The following ATOSA variants were observed in gnomAD, a reference collection of about 807,000 sequenced individuals.
ATOSA encodes atos homolog A, also known as atos homolog protein A.
the ATOSA span, among the ~76,000 whole-genome samples, chr15:52,696,334 A>G: frequency 6.6e-6 from 1 of 152,084 alleles, no homozygotes; most frequent in Non-Finnish European, 1.5e-5. Context: ...TCCAAATACC[A>G]GCCACTGCCC....
chr15:52,622,904 C>T, the ATOSA span, among the ~76,000 whole-genome samples: 1 of 151,854 alleles, frequency 6.6e-6, no homozygotes, highest in Non-Finnish European at 1.5e-5. Context: ...GGGTGGATTG[C>T]TTAAGCCCAG....
At chr15:52,700,405 C>T in the ATOSA span, among the ~76,000 whole-genome samples, 8 of 152,084 alleles carry the variant, frequency 5.3e-5, no homozygotes, top group African/African-American at 1.9e-4. Flanking sequence ...GTCTCTGCCC[C>T]CTCTCCTCCC....
At chr15:52,677,991 A>G in the ATOSA span, 4 of 1,614,020 alleles carry the variant, frequency 2.5e-6, no homozygotes, top group Non-Finnish European at 3.4e-6. Context: ...AGCCCTACTT[A>G]AACAAATCAT....
chr15:52,703,087 G>C, the ATOSA span, among the ~76,000 whole-genome samples: 1 of 152,244 alleles, frequency 6.6e-6, no homozygotes, highest in African/African-American at 2.4e-5. Flanking sequence ...AAAACAAACA[G>C]GGTCTGATAC....
At chr15:52,609,484 G>C in the ATOSA span, 7 of 1,613,732 alleles carry the variant, frequency 4.3e-6, no homozygotes, top group South Asian at 4.4e-5. Context: ...CTGGAGTAAA[G>C]AGCCTATCAA....
At chr15:52,636,736 T>C in the ATOSA span, among the ~76,000 whole-genome samples, 1,830 of 152,294 alleles carry the variant, frequency 0.012, 35 homozygotes, top group Non-Finnish European at 0.013. Flanking sequence ...AACCAGGAAT[T>C]TGAGTCCATC....
At chr15:52,586,764 A>G in the ATOSA span, 2 of 161,784 alleles carry the variant, frequency 1.2e-5, no homozygotes, top group African/African-American at 4.8e-5. Flanking sequence ...TTAGAAATAA[A>G]ATAATTTTGT....
At chr15:52,685,964 C>T in the ATOSA span, among the ~76,000 whole-genome samples, 2 of 152,006 alleles carry the variant, frequency 1.3e-5, no homozygotes, top group Non-Finnish European at 2.9e-5. Context: ...TGGACTCACT[C>T]AAGTGATCTT....
At chr15:52,622,365 G>T in the ATOSA span, among the ~76,000 whole-genome samples, 17 of 152,144 alleles carry the variant, frequency 1.1e-4, no homozygotes, top group Non-Finnish European at 2.2e-4. Context: ...AGGCATCTGA[G>T]AATGGATATT....
At chr15:52,640,811 G>A in the ATOSA span, among the ~76,000 whole-genome samples, 1 of 151,492 alleles carries the variant, frequency 6.6e-6, no homozygotes, top group Admixed American at 6.6e-5. Flanking sequence ...TACTTATGGG[G>A]TAACAGTGTG....
chr15:52,581,973 G>A, the ATOSA span: 53 of 503,384 alleles, frequency 1.1e-4, no homozygotes, highest in Non-Finnish European at 1.6e-4. Flanking sequence ...ATTAGGACAT[G>A]AGTTTTTCCA....
chr15:52,645,395 C>T, the ATOSA span, among the ~76,000 whole-genome samples: 2 of 152,088 alleles, frequency 1.3e-5, no homozygotes, highest in Admixed American at 6.5e-5. Flanking sequence ...GCCAAGATCA[C>T]GCTATGCCAC....
At chr15:52,605,004 A>C in the ATOSA span, 3 of 651,512 alleles carry the variant, frequency 4.6e-6, no homozygotes, top group Non-Finnish European at 7.6e-6. Context: ...TTATCAAAAA[A>C]TAAAATGTTT....
chr15:52,662,405 T>C, the ATOSA span, among the ~76,000 whole-genome samples: 901 of 152,316 alleles, frequency 5.9e-3, 5 homozygotes, highest in African/African-American at 0.021. Flanking sequence ...TTTTCTTCCA[T>C]TTGTTTTAAC....
the ATOSA span, among the ~76,000 whole-genome samples, chr15:52,697,919 A>C: frequency 6.8e-6 from 1 of 146,654 alleles, no homozygotes; most frequent in African/African-American, 2.5e-5. Context: ...GCTCCAATTT[A>C]AAAGACTGAC....
chr15:52,667,294 T>A, the ATOSA span, among the ~76,000 whole-genome samples: 1 of 152,244 alleles, frequency 6.6e-6, no homozygotes, highest in Non-Finnish European at 1.5e-5. Context: ...TTTTATCATA[T>A]TCTTATGGCA....
At chr15:52,667,941 G>A in the ATOSA span, among the ~76,000 whole-genome samples, 2 of 152,198 alleles carry the variant, frequency 1.3e-5, no homozygotes, top group Non-Finnish European at 1.5e-5. Context: ...GGAGAAAAGG[G>A]AACAGTTACA....
the ATOSA span, among the ~76,000 whole-genome samples, chr15:52,599,499 A>ATTATTTTCTCC: frequency 6.6e-6 from 1 of 152,176 alleles, no homozygotes; most frequent in Non-Finnish European, 1.5e-5. Flanking sequence ...TAAAATTTTA[A>ATTATTTTCTCC]TTATTTTCTC....
the ATOSA span, among the ~76,000 whole-genome samples, chr15:52,600,850 ATAAAACCACT>A: frequency 0.27 from 40,833 of 151,316 alleles, 7,234 homozygotes; most frequent in East Asian, 0.85. Flanking sequence ...CTAGAAATAT[ATAAAACCACT>A]TAAAACCAAT....
Sources: gnomAD v4.1 joint callset for allele counts (sites outside exome capture counted in the v4.1 genomes callset) on GRCh38, gnomAD v4.1.1 for gene constraint, MANE v1.5 for transcripts, NCBI Gene and HGNC (gene_info 2026-07-23, HGNC 2026-07-21) for gene names.